The following HYCC1 variants were observed in gnomAD, a reference collection of about 807,000 sequenced individuals.
HYCC1 encodes the protein hyccin PI4KA lipid kinase complex subunit 1.
the HYCC1 span, chr7:22,943,917 A>G: frequency 6.6e-6 from 1 of 152,452 alleles, no homozygotes; most frequent in Non-Finnish European, 1.5e-5. Context: ...CAAAATCCAC[A>G]TTGTAAACAG....
the HYCC1 span, among the ~76,000 whole-genome samples, chr7:22,925,594 A>G: frequency 6.6e-6 from 1 of 152,190 alleles, no homozygotes; most frequent in African/African-American, 2.4e-5. Flanking sequence ...GATGGAAGAC[A>G]AAATGAATGA....
At chr7:22,907,104 C>CAAAAAAAAAAAAAAAA in the HYCC1 span, among the ~76,000 whole-genome samples, 8 of 43,548 alleles carry the variant, frequency 1.8e-4, no homozygotes, top group African/African-American at 7.9e-4. Context: ...GACTCTATCT[C>CAAAAAAAAAAAAAAAA]AAAAAAAAAA....
chr7:22,946,514 G>C, the HYCC1 span, among the ~76,000 whole-genome samples: 1 of 151,970 alleles, frequency 6.6e-6, no homozygotes, highest in Non-Finnish European at 1.5e-5. Flanking sequence ...TAGCAAAGCA[G>C]TATAAAATCA....
chr7:23,013,393 G>T, the HYCC1 span, among the ~76,000 whole-genome samples: 10 of 152,364 alleles, frequency 6.6e-5, no homozygotes, highest in South Asian at 4.1e-4. Context: ...CGAGGGCGGG[G>T]GGTCGACAGT....
chr7:22,923,605 A>C, the HYCC1 span, among the ~76,000 whole-genome samples: 19 of 151,064 alleles, frequency 1.3e-4, 1 homozygote, highest in African/African-American at 4.6e-4. Flanking sequence ...TAAACAAAAA[A>C]GAAGTTTATC....
At chr7:22,939,962 A>G in the HYCC1 span, 1 of 152,212 alleles carries the variant, frequency 6.6e-6, no homozygotes, top group Non-Finnish European at 1.5e-5. Context: ...TTTCTCTACA[A>G]TTATAAAACA....
At chr7:23,012,549 C>A in the HYCC1 span, among the ~76,000 whole-genome samples, 1 of 152,220 alleles carries the variant, frequency 6.6e-6, no homozygotes, top group East Asian at 1.9e-4. Flanking sequence ...TTTGATTGAA[C>A]TGATTATTTG....
chr7:22,942,610 A>T, the HYCC1 span: 1 of 152,180 alleles, frequency 6.6e-6, no homozygotes, highest in African/African-American at 2.4e-5. Context: ...ATGTGCAATG[A>T]AGCCACAATT....
chr7:22,992,144 T>TTATTAC, the HYCC1 span, among the ~76,000 whole-genome samples: 3 of 151,484 alleles, frequency 2.0e-5, no homozygotes, highest in Admixed American at 6.6e-5. Flanking sequence ...ATTATTATTA[T>TTATTAC]TAATTCTTAT....
chr7:22,933,252 C>T, the HYCC1 span, among the ~76,000 whole-genome samples: 1 of 152,122 alleles, frequency 6.6e-6, no homozygotes, highest in African/African-American at 2.4e-5. Flanking sequence ...GGTATTGTAT[C>T]CATTACTGAA....
the HYCC1 span, among the ~76,000 whole-genome samples, chr7:22,965,795 T>A: frequency 7.3e-5 from 11 of 151,418 alleles, no homozygotes; most frequent in East Asian, 3.9e-4. Flanking sequence ...TAAAACAAAA[T>A]TTTTTTTTGA....
At chr7:23,000,469 C>T in the HYCC1 span, among the ~76,000 whole-genome samples, 7 of 152,032 alleles carry the variant, frequency 4.6e-5, no homozygotes, top group Admixed American at 3.9e-4. Flanking sequence ...TATACACATA[C>T]ATGTATACAT....
the HYCC1 span, among the ~76,000 whole-genome samples, chr7:22,957,516 T>C: frequency 6.6e-6 from 1 of 151,686 alleles, no homozygotes; most frequent in African/African-American, 2.4e-5. Context: ...TTCCAAAAAC[T>C]AGGAAAACAA....
the HYCC1 span, among the ~76,000 whole-genome samples, chr7:22,897,493 G>A: frequency 6.6e-6 from 1 of 152,236 alleles, no homozygotes; most frequent in African/African-American, 2.4e-5. Flanking sequence ...GATGATGGTA[G>A]TTCACTAATC....
chr7:22,947,115 T>C, the HYCC1 span: 1 of 1,550,552 alleles, frequency 6.4e-7, no homozygotes, highest in African/African-American at 1.4e-5. Context: ...CTGTATATGC[T>C]GAGCATCAAT....
At chr7:22,928,240 A>G in the HYCC1 span, among the ~76,000 whole-genome samples, 406 of 152,284 alleles carry the variant, frequency 2.7e-3, 2 homozygotes, top group South Asian at 5.0e-3. Flanking sequence ...TACTGAATGG[A>G]CAAAAACTGG....
chr7:22,993,670 G>A, the HYCC1 span, among the ~76,000 whole-genome samples: 1 of 151,684 alleles, frequency 6.6e-6, no homozygotes, highest in Admixed American at 6.6e-5. Context: ...AACCCACAGT[G>A]AAATACACCA....
chr7:22,926,556 T>C, the HYCC1 span, among the ~76,000 whole-genome samples: 1 of 152,136 alleles, frequency 6.6e-6, no homozygotes, highest in African/African-American at 2.4e-5. Flanking sequence ...AAACAGACTT[T>C]AAACCAACAA....
chr7:22,925,446 C>T, the HYCC1 span, among the ~76,000 whole-genome samples: 3 of 152,038 alleles, frequency 2.0e-5, no homozygotes, highest in East Asian at 5.8e-4. Context: ...AAAAATTAGA[C>T]AAATGGCTAA....
Sources: allele counts gnomAD v4.1 joint callset (sites outside exome capture counted in the v4.1 genomes callset), GRCh38; gene constraint gnomAD v4.1.1; transcripts MANE v1.5; gene names NCBI Gene and HGNC (gene_info 2026-07-23, HGNC 2026-07-21).